The following PREX2 variants were observed in gnomAD, a reference collection of about 807,000 sequenced individuals.
PREX2 encodes the protein phosphatidylinositol 3,4,5-trisphosphate-dependent Rac exchanger 2 protein.
A neutral mutation model predicts 203.2 loss-of-function variants in PREX2; 107 were observed. The ratio of observed to expected loss-of-function variants is 0.53; its 90% CI spans 0.45 to 0.62. The LOEUF is 0.62. Among genes scored for constraint, PREX2 ranks in the 20% least tolerant of loss-of-function variants. PREX2 has a pLI of 0.00. For missense variants in PREX2, 1,777 were observed against 1,955.9 expected (o/e 0.91, Z 1.72); for synonymous variants, 672 against 663.6 (o/e 1.01, Z -0.19).
At chr8:67,963,662 G>T (rs143703104) in intron 1 of PREX2, among the ~76,000 whole-genome samples, 1 of 151,870 alleles carries the variant, frequency 6.6e-6, no homozygotes, top group African/African-American at 2.4e-5. Flanking sequence ...TTTAGAAAAA[G>T]AATAGTATTT....
At chr8:68,172,844 G>A (rs1277919627) in intron 35 of PREX2, among the ~76,000 whole-genome samples, 1 of 152,172 alleles carries the variant, frequency 6.6e-6, no homozygotes, top group Non-Finnish European at 1.5e-5. Flanking sequence ...TTTGCATCCA[G>A]CTCTTCCTCA....
At chr8:68,206,707 A>C (rs2129615020) in intron 37 of PREX2, among the ~76,000 whole-genome samples, 1 of 152,338 alleles carries the variant, frequency 6.6e-6, no homozygotes, top group African/African-American at 2.4e-5. Flanking sequence ...ACGTTTATTC[A>C]TCTATTTGCT....
At chr8:68,072,841 C>A (rs1377633379) in intron 14 of PREX2, among the ~76,000 whole-genome samples, 1 of 152,138 alleles carries the variant, frequency 6.6e-6, no homozygotes, top group Non-Finnish European at 1.5e-5. Context: ...ATTTGAGAAT[C>A]TGAAGAATAG....
At chr8:68,142,320 C>G (rs1454142155) in intron 33 of PREX2, among the ~76,000 whole-genome samples, 2 of 152,130 alleles carry the variant, frequency 1.3e-5, no homozygotes, top group African/African-American at 4.8e-5. Context: ...CAACCCCTGG[C>G]ATCCACTGAT....
intron 33 of PREX2, among the ~76,000 whole-genome samples, chr8:68,139,047 C>T (rs1811168811): frequency 6.6e-6 from 1 of 152,022 alleles, no homozygotes; most frequent in South Asian, 2.1e-4. Flanking sequence ...TACTTCTTGC[C>T]AAGACTATTC....
chr8:68,166,538 T>A (rs78894916), intron 35 of PREX2, among the ~76,000 whole-genome samples: 42,891 of 151,908 alleles, frequency 0.28, 6,525 homozygotes, highest in East Asian at 0.49. Flanking sequence ...GGATGGGGAG[T>A]TAATCTTGAC....
chr8:68,057,454 G>C (rs6472374), intron 10 of PREX2, among the ~76,000 whole-genome samples: 1 of 152,008 alleles, frequency 6.6e-6, no homozygotes, highest in Non-Finnish European at 1.5e-5. Flanking sequence ...AAATCTATAG[G>C]CCAGGAAACC....
At chr8:68,216,277 TA>T (rs1381570252) in intron 37 of PREX2, among the ~76,000 whole-genome samples, 1 of 152,230 alleles carries the variant, frequency 6.6e-6, no homozygotes, top group Non-Finnish European at 1.5e-5. Context: ...GCCACATAGC[TA>T]ATGAGTTAGA....
chr8:68,072,479 A>AT lies in PREX2; in HGVS notation c.1494-10dup. On this transcript the variant is annotated splice_polypyrimidine_tract_variant and intron_variant, in intron 13 of 39. Transcript: ENST00000288368. ...TTTTGTTTTTTGTTTGTTTGTTTTT[A>AT]TTTTTTCCTTTATAGAGATAAAGAT... 1 of 1,465,828 alleles carries AT rather than the reference A, an allele frequency of 6.8e-7. No homozygotes were observed. The highest frequency in any genetic ancestry group is 9.4e-7 in the Non-Finnish European group (1 of 1,061,616). 90.8% of individuals were successfully genotyped at this position (1,465,828 alleles called of 1,614,324 possible). A position where few individuals can be genotyped will look rare whatever the true frequency, so the allele number is the denominator to read the frequency against.
chr8:68,122,632 G>A (rs1810799822), intron 30 of PREX2, among the ~76,000 whole-genome samples: 1 of 151,942 alleles, frequency 6.6e-6, no homozygotes, highest in South Asian at 2.1e-4. Flanking sequence ...TATTGGCTAG[G>A]AATGGAGAAA....
chr8:68,151,233 C>A (rs187240091), intron 34 of PREX2, among the ~76,000 whole-genome samples: 45 of 151,904 alleles, frequency 3.0e-4, no homozygotes, highest in African/African-American at 8.7e-4. Flanking sequence ...CCAGCCTGGG[C>A]AACATAGTGA....
rs574293541 is a variant in PREX2 at position 68,008,175 on chromosome 8, G to T, written c.142-9671G>T. 6.6e-5 allele frequency among the ~76,000 whole-genome samples: 10 copies of T among 152,180 alleles called. No homozygotes were observed. The South Asian group carries it at 2.1e-3, about 32-fold the overall frequency. On this transcript the variant is annotated intron_variant, in intron 1 of 39. Transcript: ENST00000288368. ...GGACTGCCTGTTGTCCCAAAACCTGGCATTCTTTCCCCACTGATTTGAAGT... is the reference window on the plus strand; with the variant it reads ...GGACTGCCTGTTGTCCCAAAACCTGTCATTCTTTCCCCACTGATTTGAAGT...
intron 35 of PREX2, among the ~76,000 whole-genome samples, chr8:68,190,498 T>G (rs1476073190): frequency 2.0e-5 from 3 of 152,140 alleles, no homozygotes; most frequent in Non-Finnish European, 4.4e-5. Flanking sequence ...GAAAATTTAA[T>G]ACCATATGTT....
intron 35 of PREX2, among the ~76,000 whole-genome samples, chr8:68,190,027 G>A (rs1238368929): frequency 1.3e-5 from 2 of 152,132 alleles, no homozygotes; most frequent in Non-Finnish European, 2.9e-5. Context: ...AAACACTATT[G>A]CTAGTAATGG....
Position 68,095,537 on chromosome 8 carries a change from ATGTG to A in PREX2, c.2369-1462_2369-1459del, listed in dbSNP as rs144155575. ...CATACATACATACATACATACATATATGTGTGTGTGTGTGTGTGTGTATCTATGT... is the reference window on the plus strand; with the variant it reads ...CATACATACATACATACATACATATATGTGTGTGTGTGTGTGTATCTATGT... On this transcript the variant is annotated intron_variant, in intron 21 of 39. Transcript: ENST00000288368. Among the ~76,000 whole-genome samples, 53 of 146,174 alleles carry A rather than the reference ATGTG, an allele frequency of 3.6e-4. 1 individual carries two copies. The highest frequency in any genetic ancestry group is 8.2e-4 in the African/African-American group (32 of 39,236).
intron 20 of PREX2, among the ~76,000 whole-genome samples, chr8:68,091,647 A>G (rs1809877885): frequency 6.6e-6 from 1 of 152,324 alleles, no homozygotes; most frequent in Non-Finnish European, 1.5e-5. Context: ...GAAGTTATAT[A>G]TAGGCTCATA....
At chr8:67,953,341 C>T (rs28706132) in intron 1 of PREX2, among the ~76,000 whole-genome samples, 10,246 of 152,032 alleles carry the variant, frequency 0.067, 683 homozygotes, top group African/African-American at 0.18. Flanking sequence ...TTGAAAACGT[C>T]TCATTCATTT....
chr8:68,215,588 G>A (rs1490221772), intron 37 of PREX2, among the ~76,000 whole-genome samples: 2 of 151,790 alleles, frequency 1.3e-5, no homozygotes, highest in Admixed American at 6.6e-5. Context: ...AGGCTTGAAT[G>A]CAGTGGTGCG....
chr8:68,187,841 A>G (rs556828999), intron 35 of PREX2, among the ~76,000 whole-genome samples: 1 of 152,318 alleles, frequency 6.6e-6, no homozygotes, highest in Admixed American at 6.5e-5. Flanking sequence ...TGGAGATGAA[A>G]TGCAAGTGAT....
Sources: allele counts gnomAD v4.1 joint callset (sites outside exome capture counted in the v4.1 genomes callset), GRCh38; gene constraint gnomAD v4.1.1; transcripts MANE v1.5; gene names NCBI Gene and HGNC (gene_info 2026-07-23, HGNC 2026-07-21).